SLC25A26: variants seen among roughly 807,000 people sequenced by gnomAD.
The protein encoded by SLC25A26 is solute carrier family 25 member 26.
A neutral mutation model predicts 37.8 loss-of-function variants in SLC25A26; 36 were observed. That is an observed-to-expected ratio of 0.95 (90% CI 0.73 to 1.26). SLC25A26 has a LOEUF of 1.26. Among genes scored for constraint, SLC25A26 ranks in the 50% most tolerant of loss-of-function variants. SLC25A26 has a pLI of 0.00. For missense variants in SLC25A26, 390 were observed against 331.1 expected (o/e 1.18, Z -1.38); for synonymous variants, 129 against 122.5 (o/e 1.05, Z -0.35).
chr3:66,310,877 G>C (rs2075357454), intron 5 of SLC25A26, among the ~76,000 whole-genome samples: 1 of 152,058 alleles, frequency 6.6e-6, no homozygotes, highest in East Asian at 1.9e-4. Flanking sequence ...AGTCTGATGG[G>C]CTTCACCTTG....
At chr3:66,268,085 G>A (rs1034464899) in intron 5 of SLC25A26, among the ~76,000 whole-genome samples, 2 of 152,022 alleles carry the variant, frequency 1.3e-5, no homozygotes, top group Non-Finnish European at 2.9e-5. Context: ...CTTTGTTTTG[G>A]AGATCATTTA....
chr3:66,328,729 T>G (rs571996598), intron 5 of SLC25A26, among the ~76,000 whole-genome samples: 1 of 152,304 alleles, frequency 6.6e-6, no homozygotes, highest in Admixed American at 6.5e-5. Flanking sequence ...AGTAAAACAC[T>G]TAGTTTCTCT....
At chr3:66,351,436 C>T (rs2076451057) in intron 6 of SLC25A26, among the ~76,000 whole-genome samples, 1 of 152,166 alleles carries the variant, frequency 6.6e-6, no homozygotes, top group Admixed American at 6.5e-5. Flanking sequence ...AACTTTCTGG[C>T]AGCCCAACAA....
chr3:66,363,047 A>C, intron 7 of SLC25A26, 118 bp downstream of exon 7: 1 of 466,762 alleles, frequency 2.1e-6, no homozygotes, highest in Non-Finnish European at 3.6e-6. Context: ...AGAGCGCTCC[A>C]CTAGTTGTTT....
intron 5 of SLC25A26, among the ~76,000 whole-genome samples, chr3:66,280,425 C>CATCT (rs2074297479): frequency 6.6e-6 from 1 of 152,252 alleles, no homozygotes; most frequent in East Asian, 1.9e-4. Flanking sequence ...CTGTAATGTT[C>CATCT]ATCTACCTTG....
At chr3:66,330,320 C>A (rs11128419) in intron 5 of SLC25A26, among the ~76,000 whole-genome samples, 1 of 151,924 alleles carries the variant, frequency 6.6e-6, no homozygotes, top group Non-Finnish European at 1.5e-5. Flanking sequence ...CTAATGGAAA[C>A]GCTGAGTAGA....
At chr3:66,327,049 G>T (rs2075855977) in intron 5 of SLC25A26, among the ~76,000 whole-genome samples, 1 of 152,158 alleles carries the variant, frequency 6.6e-6, no homozygotes, top group South Asian at 2.1e-4. Context: ...CATAGAAAAA[G>T]TCATTCACAC....
chr3:66,208,328 G>C (rs1199853859), intron 1 of SLC25A26, among the ~76,000 whole-genome samples: 1 of 152,032 alleles, frequency 6.6e-6, no homozygotes, highest in Non-Finnish European at 1.5e-5. Context: ...CATTGCTCTA[G>C]TTGGAATCAG....
At chr3:66,268,877 A>G (rs991137338) in intron 5 of SLC25A26, among the ~76,000 whole-genome samples, 9 of 152,322 alleles carry the variant, frequency 5.9e-5, no homozygotes, top group Admixed American at 4.6e-4. Flanking sequence ...TCCTTCTGCC[A>G]TGTAAGACGT....
rs9828355 is a variant in SLC25A26, at chr3:66,313,835, C to T, written c.454-32529C>T. 6.0e-3 allele frequency among the ~76,000 whole-genome samples: 912 copies of T among 152,234 alleles called. 11 individuals carry two copies. The highest frequency in any genetic ancestry group is 0.021 in the African/African-American group (858 of 41,542). ...TAGTTCATCTTGAAGAGATCCTTCACGTCCCTTGCTAGCTGTATTCTTAGT... is the reference window on the plus strand; with the variant it reads ...TAGTTCATCTTGAAGAGATCCTTCATGTCCCTTGCTAGCTGTATTCTTAGT... On this transcript the variant is annotated intron_variant, in intron 5 of 9. Coordinates refer to ENST00000354883, the MANE Select transcript of SLC25A26 (RefSeq NM_001379210.1).
At chr3:66,162,247 C>T (rs1021268455) in intron 1 of SLC25A26, among the ~76,000 whole-genome samples, 3 of 151,886 alleles carry the variant, frequency 2.0e-5, no homozygotes, top group African/African-American at 4.8e-5. Context: ...CACATATGAC[C>T]TCATTTTACC....
At chr3:66,145,243 A>G (rs2070098053) in intron 1 of SLC25A26, among the ~76,000 whole-genome samples, 1 of 152,204 alleles carries the variant, frequency 6.6e-6, no homozygotes, top group African/African-American at 2.4e-5. Flanking sequence ...AAATGATTAC[A>G]TGGAGTCTGA....
intron 6 of SLC25A26, among the ~76,000 whole-genome samples, chr3:66,355,341 G>A (rs1373802518): frequency 6.6e-6 from 1 of 151,832 alleles, no homozygotes; most frequent in African/African-American, 2.4e-5. Context: ...CCAAAACAAG[G>A]TACACATCAA....
chr3:66,367,251 A>G (rs1340930715), intron 7 of SLC25A26, among the ~76,000 whole-genome samples: 8 of 152,190 alleles, frequency 5.3e-5, no homozygotes, highest in African/African-American at 7.2e-5. Context: ...TCATACTACT[A>G]TCTGCATTTT....
chr3:66,153,423 A>C (rs538050078), intron 1 of SLC25A26, among the ~76,000 whole-genome samples: 21 of 152,334 alleles, frequency 1.4e-4, no homozygotes, highest in Admixed American at 2.6e-4. Flanking sequence ...AATTAACAGG[A>C]GTGCCTGTTT....
chr3:66,148,447 G>T (rs1433503137), intron 1 of SLC25A26, among the ~76,000 whole-genome samples: 3 of 152,298 alleles, frequency 2.0e-5, no homozygotes, highest in Admixed American at 6.5e-5. Context: ...CCATGGCGAG[G>T]ATGGAGGGCT....
At chr3:66,234,272 T>G (rs1476285759) in intron 1 of SLC25A26, among the ~76,000 whole-genome samples, 3 of 152,224 alleles carry the variant, frequency 2.0e-5, no homozygotes, top group Non-Finnish European at 4.4e-5. Flanking sequence ...TTACTGAATT[T>G]TATAAAAATC....
intron 2 of SLC25A26, among the ~76,000 whole-genome samples, chr3:66,241,504 A>C (rs781857567): frequency 1.3e-5 from 2 of 152,214 alleles, no homozygotes; most frequent in Non-Finnish European, 2.9e-5. Context: ...TAGTGATGTC[A>C]TTAAGATCAC....
chr3:66,158,420 A>G (rs947784765), intron 1 of SLC25A26, among the ~76,000 whole-genome samples: 1 of 152,194 alleles, frequency 6.6e-6, no homozygotes, highest in Non-Finnish European at 1.5e-5. Context: ...AACATGTTGT[A>G]CAAGTTTTAG....
Sources: allele counts gnomAD v4.1 joint callset (sites outside exome capture counted in the v4.1 genomes callset), GRCh38; gene constraint gnomAD v4.1.1; transcripts MANE v1.5; gene names NCBI Gene and HGNC (gene_info 2026-07-23, HGNC 2026-07-21).